Variants in MAN2A1 observed in about 807,000 individuals in gnomAD.
The protein encoded by MAN2A1 is alpha-mannosidase 2.
A neutral mutation model predicts 142.6 loss-of-function variants in MAN2A1; 76 were observed. That is an observed-to-expected ratio of 0.53 (90% CI 0.44 to 0.65). MAN2A1 has a LOEUF of 0.65. Among genes scored for constraint, MAN2A1 ranks in the 30% least tolerant of loss-of-function variants. MAN2A1 has a pLI of 0.00. For synonymous variants in MAN2A1, 559 were observed against 473.2 expected (o/e 1.18, Z -2.35); for missense variants, 1,311 against 1,365.1 (o/e 0.96, Z 0.62).
intron 1 of MAN2A1, among the ~76,000 whole-genome samples, chr5:109,701,323 G>A (rs1410859611): frequency 6.6e-6 from 1 of 152,146 alleles, no homozygotes; most frequent in African/African-American, 2.4e-5. Context: ...TGTAAAGTAC[G>A]GTGCTTATGA....
chr5:109,783,029 A>G (rs888338083), intron 9 of MAN2A1, among the ~76,000 whole-genome samples: 4 of 152,100 alleles, frequency 2.6e-5, no homozygotes, highest in African/African-American at 9.6e-5. Context: ...CAGAATATCA[A>G]CCAGTTATCT....
chr5:109,858,833 T>C (rs1755687627), intron 20 of MAN2A1, among the ~76,000 whole-genome samples: 1 of 152,248 alleles, frequency 6.6e-6, no homozygotes, highest in Non-Finnish European at 1.5e-5. Context: ...CAGTTGGTTT[T>C]CTTGACTCCT....
intron 5 of MAN2A1, among the ~76,000 whole-genome samples, chr5:109,764,766 A>G (rs7725487): frequency 0.085 from 12,887 of 152,118 alleles, 652 homozygotes; most frequent in African/African-American, 0.15. Flanking sequence ...ACATCACTGC[A>G]GTGTTTGATA....
intron 3 of MAN2A1, among the ~76,000 whole-genome samples, chr5:109,719,993 T>C (rs2112570599): frequency 1.3e-5 from 2 of 152,280 alleles, no homozygotes; most frequent in East Asian, 3.9e-4. Context: ...TCATAGACCA[T>C]GAAATTAAAT....
At chr5:109,722,033 C>T (rs2112573339) in intron 3 of MAN2A1, among the ~76,000 whole-genome samples, 1 of 152,278 alleles carries the variant, frequency 6.6e-6, no homozygotes, top group East Asian at 1.9e-4. Flanking sequence ...CTGTTCATGG[C>T]AGGGCTAGGT....
At chr5:109,782,201 A>G (rs1222078175) in intron 9 of MAN2A1, among the ~76,000 whole-genome samples, 1 of 152,216 alleles carries the variant, frequency 6.6e-6, no homozygotes, top group Non-Finnish European at 1.5e-5. Context: ...GAAAATGTAA[A>G]TGGATACAGA....
intron 16 of MAN2A1, among the ~76,000 whole-genome samples, chr5:109,834,816 A>G (rs1324543815): frequency 1.3e-5 from 2 of 152,196 alleles, no homozygotes; most frequent in South Asian, 4.1e-4. Flanking sequence ...GAAATAATCA[A>G]TATGAACATT....
intron 5 of MAN2A1, among the ~76,000 whole-genome samples, chr5:109,763,943 A>T (rs1225305122): frequency 3.9e-5 from 6 of 151,954 alleles, no homozygotes; most frequent in Non-Finnish European, 8.8e-5. Flanking sequence ...CTAGGATTAC[A>T]GGTGCTTGTC....
At chr5:109,851,699 C>T (rs1419608757) in intron 19 of MAN2A1, among the ~76,000 whole-genome samples, 1 of 152,060 alleles carries the variant, frequency 6.6e-6, no homozygotes, top group African/African-American at 2.4e-5. Context: ...CAGGCATTGA[C>T]GGCTTTAGGA....
chr5:109,827,875 G>A (rs1012224870), intron 16 of MAN2A1, among the ~76,000 whole-genome samples: 2 of 152,126 alleles, frequency 1.3e-5, no homozygotes, highest in African/African-American at 2.4e-5. Context: ...GCCAAGGCAG[G>A]CGGATCACAA....
chr5:109,837,783 A>G (rs1005674023), intron 16 of MAN2A1, among the ~76,000 whole-genome samples: 2 of 152,188 alleles, frequency 1.3e-5, no homozygotes, highest in South Asian at 2.1e-4. Flanking sequence ...GCCTTAGGGA[A>G]CTTATATTCT....
At chr5:109,733,781 T>C (rs1751997014) in intron 4 of MAN2A1, among the ~76,000 whole-genome samples, 1 of 152,200 alleles carries the variant, frequency 6.6e-6, no homozygotes, top group South Asian at 2.1e-4. Context: ...TTATTGAGGA[T>C]TTTTGCATCA....
chr5:109,744,057 A>G (rs370920622), intron 4 of MAN2A1, among the ~76,000 whole-genome samples: 3 of 152,118 alleles, frequency 2.0e-5, no homozygotes, highest in South Asian at 4.2e-4. Flanking sequence ...TGCAGTGGAT[A>G]ATTTCAGTCT....
At chr5:109,757,662 A>G (rs533785166) in intron 5 of MAN2A1, among the ~76,000 whole-genome samples, 1 of 152,212 alleles carries the variant, frequency 6.6e-6, no homozygotes, top group East Asian at 1.9e-4. Context: ...ACATCCCCCA[A>G]AGAAACCTTA....
At chr5:109,723,696 A>G (rs1751667134) in intron 3 of MAN2A1, among the ~76,000 whole-genome samples, 2 of 152,180 alleles carry the variant, frequency 1.3e-5, no homozygotes, top group Admixed American at 1.3e-4. Context: ...AAGGTTTTCA[A>G]TAATCTGTCT....
intron 16 of MAN2A1, among the ~76,000 whole-genome samples, chr5:109,838,330 C>G (rs1489285474): frequency 6.6e-6 from 1 of 152,172 alleles, no homozygotes; most frequent in Non-Finnish European, 1.5e-5. Flanking sequence ...CTTTCTTTCC[C>G]TAGTGACTAA....
intron 3 of MAN2A1, among the ~76,000 whole-genome samples, chr5:109,728,276 C>A (rs1751801141): frequency 6.6e-6 from 1 of 151,904 alleles, no homozygotes; most frequent in Non-Finnish European, 1.5e-5. Flanking sequence ...TATTTTTTGC[C>A]AGCAAATATA....
intron 4 of MAN2A1, among the ~76,000 whole-genome samples, chr5:109,748,178 T>C (rs796779410): frequency 2.0e-5 from 3 of 152,300 alleles, no homozygotes; most frequent in African/African-American, 7.2e-5. Context: ...AAAGTACATA[T>C]GCATTTTACA....
chr5:109,714,078 A>G (rs533678753), intron 2 of MAN2A1, among the ~76,000 whole-genome samples: 2 of 152,026 alleles, frequency 1.3e-5, no homozygotes, highest in African/African-American at 4.8e-5. Flanking sequence ...AAATTTTGCC[A>G]GAGATTTTTT....
Sources: gnomAD v4.1 joint callset for allele counts (sites outside exome capture counted in the v4.1 genomes callset) on GRCh38, gnomAD v4.1.1 for gene constraint, MANE v1.5 for transcripts, NCBI Gene and HGNC (gene_info 2026-07-23, HGNC 2026-07-21) for gene names.